Variants in ARAP1 observed in about 807,000 individuals in gnomAD.
ARAP1 encodes the protein ArfGAP with RhoGAP domain, ankyrin repeat and PH domain 1.
A neutral mutation model predicts 172.2 loss-of-function variants in ARAP1; 76 were observed. The ratio of observed to expected loss-of-function variants is 0.44; its 90% CI spans 0.37 to 0.53. The LOEUF (loss-of-function observed/expected upper bound fraction) is 0.53. ARAP1 is among the 20% of genes least tolerant of loss of function. ARAP1 has a pLI of 0.00. For synonymous variants in ARAP1, 804 were observed against 803.3 expected (o/e 1.00, Z -0.01); for missense variants, 1,686 against 1,977.5 (o/e 0.85, Z 2.80).
Position 72,726,745 on chromosome 11 carries a change from G to A in ARAP1, c.384C>T (p.Cys128=). The A allele has an allele frequency of 6.5e-7, 1 of 1,548,044 alleles. No homozygotes were observed. Among genetic ancestry groups the A allele is most frequent in the South Asian group, 1.2e-5 (1 of 83,914 alleles). Residue 128 remains cysteine (C), a synonymous_variant, in exon 3 of 35, where the codon TGC becomes TGT. Coordinates refer to ENST00000393609, the MANE Select transcript of ARAP1 (RefSeq NM_001040118.3). The surrounding 1 kb of genome is among the most constrained non-coding windows in gnomAD (Gnocchi z 6.5). ...GGGCAGCTGTGGATGGGGTGGTGAA[G>A]CAGGTGGGCGGAAGGCAGCTCCTCC... The part of the protein sequence containing the change: ...PPRRSCLPPT[C]FTTPSTAAPD...
At position 72,686,171 on chromosome 11, in the gene ARAP1, G is replaced by C; in HGVS notation, c.4206C>G (p.Pro1402=). Residue 1402 remains proline, a synonymous_variant, in exon 34 of 35, where the codon CCC becomes CCG. Coordinates refer to ENST00000393609, the MANE Select transcript of ARAP1 (RefSeq NM_001040118.3). ...CCCGGGACACGCGTGAGGGCTCTGA[G>C]GGCCACACCAGGCCGTCATGCTGGG... is the stretch of plus-strand genomic sequence containing the variant. ...LFVQHDGLVW[P]SEPSRVSRAV... The C allele has an allele frequency of 6.2e-7, 1 of 1,613,148 alleles. No homozygotes were observed. Among genetic ancestry groups the C allele is most frequent in the East Asian group, 2.2e-5 (1 of 44,864 alleles).
chr11:72,688,329 G>A lies in ARAP1; in HGVS notation c.4070+126C>T. 4 of 782,218 alleles carry A rather than the reference G, an allele frequency of 5.1e-6. No individual in the cohort carries two copies. In the South Asian group the frequency reaches 5.2e-5, roughly 10 times the overall value. 48.5% of individuals were successfully genotyped at this position (782,218 alleles called of 1,614,324 possible). A position where few individuals can be genotyped will look rare whatever the true frequency, so the allele number is the denominator to read the frequency against. ...GTGTCCAGGTGATGCTGCTGGTCTG[G>A]AGACCACACCATCAGAGCCCCTGCA... On this transcript the variant is annotated intron_variant, in intron 31 of 34. Transcript: ENST00000393609.
intron 1 of ARAP1, among the ~76,000 whole-genome samples, chr11:72,737,110 C>T (rs1858052661): frequency 6.6e-6 from 1 of 152,222 alleles, no homozygotes; most frequent in Non-Finnish European, 1.5e-5. Flanking sequence ...CTCGGCACTG[C>T]TTCTGCTCTC....
Position 72,693,650 on chromosome 11 carries a change from G to C in ARAP1, c.3808+42C>G, listed in dbSNP as rs773502353. ...CAGGTCCCACCCTGGCTCTGGAAGA[G>C]AGGACCACCCGGAGCCTGGCCACCC... On this transcript the variant is annotated intron_variant, in intron 28 of 34. Transcript: ENST00000393609. The surrounding 1 kb of genome is among the most constrained non-coding windows in gnomAD (Gnocchi z 4.6). 20 of 1,558,804 alleles carry C rather than the reference G, an allele frequency of 1.3e-5. No individual in the cohort carries two copies. Among genetic ancestry groups the C allele is most frequent in the Non-Finnish European group, 1.7e-5 (20 of 1,149,454 alleles).
chr11:72,732,926 T>C (rs1382770876), intron 1 of ARAP1, among the ~76,000 whole-genome samples: 2 of 151,790 alleles, frequency 1.3e-5, no homozygotes, highest in Non-Finnish European at 2.9e-5. Flanking sequence ...GAGGCTGCAG[T>C]GAGCTGTGAT....
At chr11:72,740,475 A>C (rs908029131) in intron 1 of ARAP1, among the ~76,000 whole-genome samples, 71 of 152,354 alleles carry the variant, frequency 4.7e-4, no homozygotes, top group African/African-American at 1.5e-3. Flanking sequence ...TAATTAGAAA[A>C]AAATGATAAA....
intron 3 of ARAP1, among the ~76,000 whole-genome samples, chr11:72,716,016 C>CA (rs1857254432): frequency 6.6e-6 from 1 of 151,450 alleles, no homozygotes; most frequent in African/African-American, 2.4e-5. Flanking sequence ...ACTAAAAATA[C>CA]AAAAAAATTA....
At chr11:72,712,647 T>G (rs757880254) in intron 5 of ARAP1, 79 bp from the exon 6 acceptor site, 1 of 1,600,174 alleles carries the variant, frequency 6.2e-7, no homozygotes, top group Non-Finnish European at 8.5e-7. Context: ...ACGCCCCCTC[T>G]GTCCACACAG....
intron 30 of ARAP1, chr11:72,689,549 A>G (rs1855843762): frequency 6.6e-6 from 1 of 152,496 alleles, no homozygotes; most frequent in Non-Finnish European, 1.5e-5. Flanking sequence ...CAGAGAAAGG[A>G]CAGCCAGGGG....
intron 8 of ARAP1, 63 bp downstream of exon 8, chr11:72,711,367 C>T: frequency 6.4e-7 from 1 of 1,569,480 alleles, no homozygotes; most frequent in African/African-American, 1.3e-5. Flanking sequence ...CGCCACCTCG[C>T]TCCAGTGTTG....
In ARAP1 at chr11:72,685,431, A is replaced by G. The variant is rs536409167; in HGVS notation, c.*233T>C. The G allele has an allele frequency of 1.7e-6, 1 of 594,184 alleles. No homozygotes were observed. Among genetic ancestry groups the G allele is most frequent in the African/African-American group, 1.9e-5 (1 of 53,752 alleles). The allele number at this position is 594,184 out of a possible 1,614,324, so 36.8% of individuals were successfully genotyped here. ...CCGGTGGGGTGAGCAGGTTGGGCCA[A>G]GAGGTCTGAACACCTGGACAGAGTT... On this transcript the variant is annotated 3_prime_UTR_variant, in exon 35 of 35. Coordinates refer to ENST00000393609, the MANE Select transcript of ARAP1 (RefSeq NM_001040118.3).
chr11:72,745,379 T>G (rs1858332240), intron 1 of ARAP1, among the ~76,000 whole-genome samples: 1 of 117,894 alleles, frequency 8.5e-6, no homozygotes, highest in Admixed American at 8.5e-5. Context: ...TTTTTTTTTG[T>G]ATTTTTAGTA....
At position 72,697,214 on chromosome 11, in the gene ARAP1, A is replaced by G. The variant is rs543641724; in HGVS notation, c.2954-19T>C. On this transcript the variant is annotated intron_variant, in intron 21 of 34. Coordinates refer to ENST00000393609, the MANE Select transcript of ARAP1 (RefSeq NM_001040118.3). Reference sequence around the variant, plus strand: ...GTCAGGCCTAGGGAGGGGCGGGGCCAAGCGTTCGGGGCCTGAGGCATAGAG... The same window carrying G: ...GTCAGGCCTAGGGAGGGGCGGGGCCGAGCGTTCGGGGCCTGAGGCATAGAG... The G allele has an allele frequency of 3.3e-5, 53 of 1,593,206 alleles. No homozygotes were observed. In the South Asian group the frequency reaches 4.5e-4, roughly 14 times the overall value.
intron 1 of ARAP1, among the ~76,000 whole-genome samples, chr11:72,742,442 G>A (rs1268216095): frequency 2.0e-5 from 3 of 152,202 alleles, no homozygotes; most frequent in Admixed American, 1.3e-4. Flanking sequence ...TAAGTAACTG[G>A]CTCAGTCACT....
At position 72,717,805 on chromosome 11, in the gene ARAP1, G is replaced by A. The variant is rs75557560; in HGVS notation, c.510-3484C>T. ...ATTCCACTTTACAGAGGAGAAAACCGAGGCACAGGGATGCTAGGTTATTTG... is the reference window on the plus strand; with the variant it reads ...ATTCCACTTTACAGAGGAGAAAACCAAGGCACAGGGATGCTAGGTTATTTG... On this transcript the variant is annotated intron_variant, in intron 3 of 34. Transcript: ENST00000393609. Among the ~76,000 whole-genome samples the A allele has an allele frequency of 6.9e-3, 1,050 of 152,264 alleles. 11 individuals carry two copies. Among genetic ancestry groups the A allele is most frequent in the African/African-American group, 0.024 (992 of 41,530 alleles).
At chr11:72,731,689 T>C (rs975078699) in intron 2 of ARAP1, among the ~76,000 whole-genome samples, 1 of 152,218 alleles carries the variant, frequency 6.6e-6, no homozygotes, top group East Asian at 1.9e-4. Context: ...CAAAAACACA[T>C]GACCACATGC....
Position 72,695,580 on chromosome 11 carries a change from C to T in ARAP1, c.3469G>A (p.Val1157Met). ...GCAGTGCCAGCCACGCGCATCTTCA[C>T]AATGGCAGTGATCTCCTCCCGCTGC... is the stretch of plus-strand genomic sequence containing the variant. ...RKQREEITAI[V>M]KMRVAGTASG... Residue 1157 changes from valine (V) to methionine (M), a missense_variant, in exon 25 of 35, where the codon GTG becomes ATG. By Grantham distance (21) the Val-to-Met change is conservative. This residue lies in a region of ARAP1 where 379 missense variants were observed against 500.1 expected (regional missense o/e 0.76). Transcript: ENST00000393609. The surrounding 1 kb of genome is among the most constrained non-coding windows in gnomAD (Gnocchi z 4.4). 1 of 1,614,146 alleles carries T rather than the reference C, an allele frequency of 6.2e-7. No homozygotes were observed. Among genetic ancestry groups the T allele is most frequent in the Non-Finnish European group, 8.5e-7 (1 of 1,180,044 alleles).
At chr11:72,721,962 G>C (rs1857531361) in intron 3 of ARAP1, 1 of 986,282 alleles carries the variant, frequency 1.0e-6, no homozygotes, top group Admixed American at 6.1e-5. Context: ...GTCCCGCCTG[G>C]GCTGGTCTCG....
At position 72,741,646 on chromosome 11, in the gene ARAP1, A is replaced by G. The variant is rs1370094690; in HGVS notation, c.-127-9049T>C. Among the ~76,000 whole-genome samples, 1 of 152,144 alleles carries G rather than the reference A, an allele frequency of 6.6e-6. No homozygotes were observed. The highest frequency in any genetic ancestry group is 2.4e-5 in the African/African-American group (1 of 41,438). On this transcript the variant is annotated intron_variant, in intron 1 of 34. Coordinates refer to ENST00000393609, the MANE Select transcript of ARAP1 (RefSeq NM_001040118.3). This position sits in a 1 kb window ranked among gnomAD's most constrained non-coding sequence, Gnocchi z 4.5. Reference sequence around the variant, plus strand: ...AGGGGGACTCCGAACACCATAAATGAGGCAGAAACAGGAAGAGACAGGGCT... The same window carrying G: ...AGGGGGACTCCGAACACCATAAATGGGGCAGAAACAGGAAGAGACAGGGCT...
Sources: gnomAD v4.1 joint callset for allele counts (sites outside exome capture counted in the v4.1 genomes callset) on GRCh38, gnomAD v4.1.1 for gene constraint, gnomAD v4.1.1 regional missense constraint, Gnocchi (gnomAD v3.1) non-coding constraint, MANE v1.5 for transcripts, NCBI Gene and HGNC (gene_info 2026-07-23, HGNC 2026-07-21) for gene names.